Variants in GALNT2 observed in about 807,000 individuals in gnomAD.
GALNT2 encodes the protein polypeptide N-acetylgalactosaminyltransferase 2, also known as UDP-GalNAc:polypeptide N-acetylgalactosaminyltransferase 2.
Under a neutral mutation model 81.4 loss-of-function variants are expected in GALNT2, and 31 were observed. The observed-to-expected ratio is 0.38, with a 90% CI of 0.29 to 0.51. The LOEUF (loss-of-function observed/expected upper bound fraction) is 0.51. Among genes scored for constraint, GALNT2 ranks in the 20% least tolerant of loss-of-function variants. The pLI, the probability that GALNT2 is intolerant of heterozygous loss-of-function variation, is 0.87. For synonymous variants in GALNT2, 303 were observed against 287.4 expected, an observed-to-expected ratio of 1.05 and a Z score of -0.55; for missense variants, 629 against 765.7, an observed-to-expected ratio of 0.82 and a Z score of 2.11.
At chr1:230,147,850 A>T (rs186305834) in intron 1 of GALNT2, among the ~76,000 whole-genome samples, 64 of 152,350 alleles carry the variant, frequency 4.2e-4, no homozygotes, top group South Asian at 6.2e-4. Flanking sequence ...TGCAGGCTTC[A>T]TGAAGAGAGC....
At chr1:230,261,113 A>C (rs939235366) in intron 11 of GALNT2, among the ~76,000 whole-genome samples, 1 of 151,030 alleles carries the variant, frequency 6.6e-6, no homozygotes, top group African/African-American at 2.4e-5. Context: ...ATTATAAACA[A>C]AGCAGAAGTG....
chr1:230,066,001 C>T (rs1659164320), upstream of GALNT2, among the ~76,000 whole-genome samples: 1 of 152,202 alleles, frequency 6.6e-6, no homozygotes, highest in Non-Finnish European at 1.5e-5. Context: ...CAACCCTGTA[C>T]TTCACTTAAG....
chr1:230,177,179 T>C, intron 1 of GALNT2, among the ~76,000 whole-genome samples: 1 of 152,396 alleles, frequency 6.6e-6, no homozygotes, highest in East Asian at 1.9e-4. Flanking sequence ...GGTTTACCCT[T>C]CTGCAGATCT....
intron 3 of GALNT2, among the ~76,000 whole-genome samples, chr1:230,210,709 C>T (rs1259058607): frequency 6.6e-6 from 1 of 152,184 alleles, no homozygotes; most frequent in Non-Finnish European, 1.5e-5. Flanking sequence ...GCCTTTAACA[C>T]AGCCAAAACA....
chr1:230,122,423 C>T lies in GALNT2; in HGVS notation c.126+55017C>T, dbSNP rs184308991. ...TGCTCCGCTGCTCCTCTCTCTCCCT[C>T]GACCTGGTCTCTCAGTGACCCCCTC... On this transcript the variant is annotated intron_variant, in intron 1 of 15. Coordinates refer to ENST00000366672, the MANE Select transcript of GALNT2 (RefSeq NM_004481.5). 1.9e-3 allele frequency among the ~76,000 whole-genome samples: 294 copies of T among 152,330 alleles called. 1 individual carries two copies. The Middle Eastern group carries it at 0.024, about 12-fold the overall frequency.
intron 1 of GALNT2, among the ~76,000 whole-genome samples, chr1:230,076,195 G>A (rs1214769262): frequency 6.6e-6 from 1 of 152,208 alleles, no homozygotes; most frequent in African/African-American, 2.4e-5. Flanking sequence ...TGCTCCAGCA[G>A]TTTAATTTGC....
At chr1:230,164,122 G>A (rs572909951) in intron 1 of GALNT2, among the ~76,000 whole-genome samples, 3 of 152,246 alleles carry the variant, frequency 2.0e-5, no homozygotes, top group East Asian at 1.9e-4. Context: ...AACTGCAATC[G>A]CACACGTGTA....
intron 1 of GALNT2, among the ~76,000 whole-genome samples, chr1:230,169,046 G>C (rs1476895652): frequency 6.6e-6 from 1 of 152,126 alleles, no homozygotes; most frequent in African/African-American, 2.4e-5. Context: ...TCCTCGTCTG[G>C]GGTTTGTTTG....
chr1:230,157,590 A>G (rs1269720061), intron 1 of GALNT2, among the ~76,000 whole-genome samples: 1 of 152,214 alleles, frequency 6.6e-6, no homozygotes, highest in Non-Finnish European at 1.5e-5. Flanking sequence ...CGACTGGGGA[A>G]TGGATGAACA....
At chr1:230,242,450 T>G (rs1665229862) in intron 6 of GALNT2, among the ~76,000 whole-genome samples, 1 of 152,222 alleles carries the variant, frequency 6.6e-6, no homozygotes, top group Non-Finnish European at 1.5e-5. Context: ...TTGCATCATC[T>G]TCACATAGAA....
At chr1:230,233,635 A>G (rs1332644463) in intron 3 of GALNT2, among the ~76,000 whole-genome samples, 5 of 152,096 alleles carry the variant, frequency 3.3e-5, no homozygotes, top group Middle Eastern at 3.2e-3. Flanking sequence ...AAACCTACAG[A>G]ATAATTTTTT....
At chr1:230,136,432 A>G (rs994559849) in intron 1 of GALNT2, among the ~76,000 whole-genome samples, 1 of 151,930 alleles carries the variant, frequency 6.6e-6, no homozygotes, top group Non-Finnish European at 1.5e-5. Context: ...TAGACATCGA[A>G]CCTAATGTTT....
intron 1 of GALNT2, among the ~76,000 whole-genome samples, chr1:230,162,176 A>G (rs1468970084): frequency 6.6e-6 from 1 of 152,150 alleles, no homozygotes; most frequent in African/African-American, 2.4e-5. Flanking sequence ...GCAGATTTTC[A>G]CAAGCACTGA....
intron 1 of GALNT2, among the ~76,000 whole-genome samples, chr1:230,120,055 G>A (rs928004472): frequency 3.3e-5 from 5 of 151,848 alleles, no homozygotes; most frequent in East Asian, 1.9e-4. Context: ...GGCTCAGGGC[G>A]GCCTGCTTTC....
intron 1 of GALNT2, among the ~76,000 whole-genome samples, chr1:230,109,067 C>T (rs992926600): frequency 6.6e-6 from 1 of 152,242 alleles, no homozygotes; most frequent in Non-Finnish European, 1.5e-5. Flanking sequence ...GACTATCCTA[C>T]TCTTCTCTAT....
intron 1 of GALNT2, among the ~76,000 whole-genome samples, chr1:230,116,296 C>G (rs1376611749): frequency 6.6e-6 from 1 of 152,046 alleles, no homozygotes; most frequent in East Asian, 1.9e-4. Flanking sequence ...GTGGCACGAT[C>G]TCGGCTCACT....
At position 230,193,867 on chromosome 1, in the gene GALNT2, C is replaced by T. The variant is rs1663604282; in HGVS notation, c.221-9270C>T. Among the ~76,000 whole-genome samples, 1 of 152,156 alleles carries T rather than the reference C, an allele frequency of 6.6e-6. No homozygotes were observed. Among genetic ancestry groups the T allele is most frequent in the Middle Eastern group, 3.2e-3 (1 of 316 alleles). Reference sequence around the variant, plus strand: ...CTGCAGCCAGGTCCTAGAGTGTCAGCCACAGAGCTGATGCTGGCGGGGCCC... The same window carrying T: ...CTGCAGCCAGGTCCTAGAGTGTCAGTCACAGAGCTGATGCTGGCGGGGCCC... On this transcript the variant is annotated intron_variant, in intron 2 of 15. Transcript: ENST00000366672. This position sits in a 1 kb window ranked among gnomAD's most constrained non-coding sequence, Gnocchi z 4.3.
In GALNT2 at chr1:230,067,241, C is replaced by T; in HGVS notation, c.-40C>T. On this transcript the variant is annotated 5_prime_UTR_variant, in exon 1 of 16. Coordinates refer to ENST00000366672, the MANE Select transcript of GALNT2 (RefSeq NM_004481.5). ...GCCCGCGGCCGGCCCAGGCAGCACT[C>T]GCGAGCAGCGGCGGCCCCGCCGGCG... The T allele has an allele frequency of 8.1e-7, 1 of 1,239,236 alleles. No homozygotes were observed. Among genetic ancestry groups the T allele is most frequent in the Non-Finnish European group, 1.0e-6 (1 of 982,832 alleles). The allele number at this position is 1,239,236 out of a possible 1,614,324, so 76.8% of individuals were successfully genotyped here. A position where few individuals can be genotyped will look rare whatever the true frequency, so the allele number is the denominator to read the frequency against.
At chr1:230,124,129 A>C (rs573784435) in intron 1 of GALNT2, among the ~76,000 whole-genome samples, 1 of 152,218 alleles carries the variant, frequency 6.6e-6, no homozygotes, top group Non-Finnish European at 1.5e-5. Flanking sequence ...AAGTAAAGAC[A>C]TTGTCATTAG....
Sources: allele counts gnomAD v4.1 joint callset (sites outside exome capture counted in the v4.1 genomes callset), GRCh38; gene constraint gnomAD v4.1.1; non-coding constraint Gnocchi (gnomAD v3.1); transcripts MANE v1.5; gene names NCBI Gene and HGNC (gene_info 2026-07-23, HGNC 2026-07-21).